Variants in GRID2 observed in about 807,000 individuals in gnomAD.
The protein encoded by GRID2 is glutamate receptor ionotropic, delta-2.
Under a neutral mutation model 114.8 loss-of-function variants are expected in GRID2, and 33 were observed. That is an observed-to-expected ratio of 0.29 (90% CI 0.22 to 0.38). The LOEUF (loss-of-function observed/expected upper bound fraction) is 0.38. GRID2 is among the 10% of genes least tolerant of loss of function. The pLI, the probability that GRID2 is intolerant of heterozygous loss-of-function variation, is 1.00. For synonymous variants in GRID2, 505 were observed against 449.9 expected (o/e 1.12, Z -1.55); for missense variants, 1,184 against 1,257.7 (o/e 0.94, Z 0.89).
chr4:93,031,904 A>G (rs1724474771), intron 2 of GRID2, among the ~76,000 whole-genome samples: 1 of 152,124 alleles, frequency 6.6e-6, no homozygotes. Flanking sequence ...TAGTTGTGAA[A>G]TAGTTCAACC....
chr4:92,735,074 T>G (rs1176961374), intron 2 of GRID2, among the ~76,000 whole-genome samples: 1 of 152,118 alleles, frequency 6.6e-6, no homozygotes, highest in Non-Finnish European at 1.5e-5. Context: ...TCATTGCACC[T>G]AACCTGATGG....
chr4:93,034,272 A>G (rs528755319), intron 2 of GRID2, among the ~76,000 whole-genome samples: 1 of 152,330 alleles, frequency 6.6e-6, no homozygotes, highest in African/African-American at 2.4e-5. Flanking sequence ...TGGTTCTCAA[A>G]TAATAGAAGG....
intron 8 of GRID2, among the ~76,000 whole-genome samples, chr4:93,344,318 T>C (rs1759966227): frequency 6.6e-6 from 1 of 152,026 alleles, no homozygotes; most frequent in Non-Finnish European, 1.5e-5. Flanking sequence ...GACTGGAACA[T>C]AGAAACCATA....
chr4:92,568,842 C>A (rs560717131), intron 1 of GRID2, among the ~76,000 whole-genome samples: 1 of 152,042 alleles, frequency 6.6e-6, no homozygotes, highest in Non-Finnish European at 1.5e-5. Flanking sequence ...TCTGTTCCTG[C>A]ATTAGTTTGC....
chr4:93,323,895 T>G (rs1757529849), intron 8 of GRID2, among the ~76,000 whole-genome samples: 1 of 152,214 alleles, frequency 6.6e-6, no homozygotes. Flanking sequence ...GCACAATGAT[T>G]TTGTATCCTG....
chr4:93,612,966 G>C (rs1469953058), intron 13 of GRID2, among the ~76,000 whole-genome samples: 1 of 146,500 alleles, frequency 6.8e-6, no homozygotes, highest in Non-Finnish European at 1.5e-5. Flanking sequence ...ACGTAGATTT[G>C]GTCTTTTCAC....
rs185197316 is a variant in GRID2, at chr4:93,240,588, A to G, written c.1245+2098A>G. Among the ~76,000 whole-genome samples, 180 of 151,296 alleles carry G rather than the reference A, an allele frequency of 1.2e-3. 3 individuals are homozygous for G. The highest frequency in any genetic ancestry group is 4.3e-3 in the African/African-American group (178 of 41,396). Reference sequence around the variant, plus strand: ...ATTTTATTTCAATGCCATTTATAGTATCTTTAAATTTAGAGGAACTATGAA... The same window carrying G: ...ATTTTATTTCAATGCCATTTATAGTGTCTTTAAATTTAGAGGAACTATGAA... On this transcript the variant is annotated intron_variant, in intron 8 of 15. Transcript: ENST00000282020.
At chr4:92,661,651 T>C (rs1732524153) in intron 2 of GRID2, among the ~76,000 whole-genome samples, 2 of 151,054 alleles carry the variant, frequency 1.3e-5, no homozygotes, top group African/African-American at 2.4e-5. Flanking sequence ...TACCCAACTT[T>C]GGAATATTTT....
At chr4:93,415,206 C>T (rs1435195430) in intron 9 of GRID2, among the ~76,000 whole-genome samples, 2 of 152,092 alleles carry the variant, frequency 1.3e-5, no homozygotes, top group Non-Finnish European at 2.9e-5. Context: ...CAGCCAGTCA[C>T]TCCTTACAGC....
intron 8 of GRID2, among the ~76,000 whole-genome samples, chr4:93,394,692 G>T (rs563605794): frequency 6.6e-6 from 1 of 151,922 alleles, no homozygotes; most frequent in Non-Finnish European, 1.5e-5. Flanking sequence ...GTGCACATGC[G>T]GAATATGTTC....
At chr4:93,302,895 G>A (rs1755024968) in intron 8 of GRID2, among the ~76,000 whole-genome samples, 1 of 152,186 alleles carries the variant, frequency 6.6e-6, no homozygotes. Context: ...GTTAAAGAAT[G>A]TATATTAGTC....
chr4:92,790,100 A>G lies in GRID2; in HGVS notation c.244+199814A>G, dbSNP rs915296894. Among the ~76,000 whole-genome samples, 10 of 151,992 alleles carry G rather than the reference A, an allele frequency of 6.6e-5. No individual in the cohort carries two copies. The East Asian group carries it at 1.8e-3, about 27-fold the overall frequency. On this transcript the variant is annotated intron_variant, in intron 2 of 15. Transcript: ENST00000282020. Reference sequence around the variant, plus strand: ...GCTTTAGTACTTGCTTAATGTATGTATATATGTATGTGCGTATGCGTGTAT... The same window carrying G: ...GCTTTAGTACTTGCTTAATGTATGTGTATATGTATGTGCGTATGCGTGTAT...
Position 93,322,752 on chromosome 4 carries a change from A to T in GRID2, c.1246-72855A>T, listed in dbSNP as rs1757372568. On this transcript the variant is annotated intron_variant, in intron 8 of 15. Transcript: ENST00000282020. ...TGATGGCCATTCTAACTGGTGTGAG[A>T]TGGTATCTCATTGTGGTTTTGATTT... Among the ~76,000 whole-genome samples the T allele has an allele frequency of 2.0e-5, 3 of 152,204 alleles. No individual in the cohort carries two copies. The South Asian group carries it at 6.2e-4, about 32-fold the overall frequency.
chr4:93,288,162 G>A (rs997720849), intron 8 of GRID2, among the ~76,000 whole-genome samples: 2 of 152,104 alleles, frequency 1.3e-5, no homozygotes, highest in Admixed American at 6.6e-5. Context: ...ATGTTAAATT[G>A]TTCTTCATTT....
intron 1 of GRID2, among the ~76,000 whole-genome samples, chr4:93,801,767 A>G (rs1734936040): frequency 6.6e-6 from 1 of 152,204 alleles, no homozygotes; most frequent in African/African-American, 2.4e-5. Flanking sequence ...AGATATGTTG[A>G]TGTCATACTA....
At chr4:93,000,061 A>G (rs1054156285) in intron 2 of GRID2, among the ~76,000 whole-genome samples, 1 of 151,678 alleles carries the variant, frequency 6.6e-6, no homozygotes, top group African/African-American at 2.4e-5. Context: ...GGAGAAAAAT[A>G]AAAATATTTT....
intron 1 of GRID2, among the ~76,000 whole-genome samples, chr4:92,415,730 G>GTA (rs1191253015): frequency 1.0e-4 from 9 of 87,564 alleles, no homozygotes; most frequent in South Asian, 4.5e-4. Flanking sequence ...GTGTGTGTGT[G>GTA]TGTATGTGTG....
chr4:93,517,324 G>A (rs898812251), intron 13 of GRID2, among the ~76,000 whole-genome samples: 2 of 152,002 alleles, frequency 1.3e-5, no homozygotes, highest in Non-Finnish European at 2.9e-5. Flanking sequence ...AATAAAAGAG[G>A]TAGATAATAA....
intron 2 of GRID2, among the ~76,000 whole-genome samples, chr4:92,940,938 A>C (rs1751070492): frequency 6.6e-6 from 1 of 152,178 alleles, no homozygotes; most frequent in African/African-American, 2.4e-5. Flanking sequence ...ATGGTGGATA[A>C]GATTTTTGAT....
Sources: gnomAD v4.1 joint callset for allele counts (sites outside exome capture counted in the v4.1 genomes callset) on GRCh38, gnomAD v4.1.1 for gene constraint, MANE v1.5 for transcripts, NCBI Gene and HGNC (gene_info 2026-07-23, HGNC 2026-07-21) for gene names.